Variants in ITPR1 observed in about 807,000 individuals in gnomAD.
ITPR1 encodes inositol 1,4,5-trisphosphate receptor type 1.
Under a neutral mutation model 318.4 loss-of-function variants are expected in ITPR1, and 96 were observed. The observed-to-expected ratio is 0.30, with a 90% CI of 0.26 to 0.36. The LOEUF (loss-of-function observed/expected upper bound fraction) is 0.36, where lower values mean the gene tolerates loss of function less well. ITPR1 is among the 10% of genes least tolerant of loss of function. The pLI is 1.00. For missense variants in ITPR1, 2,440 were observed against 3,460.2 expected, an observed-to-expected ratio of 0.71 and a Z score of 7.40; for synonymous variants, 1,312 against 1,289.9, an observed-to-expected ratio of 1.02 and a Z score of -0.37.
intron 37 of ITPR1, 76 bp downstream of exon 37, chr3:4,706,427 G>A: frequency 2.3e-6 from 3 of 1,331,092 alleles, no homozygotes; most frequent in Non-Finnish European, 3.1e-6. Context: ...GCATCCTTGA[G>A]CCACAGAGCA....
intron 44 of ITPR1, among the ~76,000 whole-genome samples, chr3:4,755,427 TGGG>T (rs2044894440): frequency 6.7e-6 from 1 of 149,932 alleles, no homozygotes; most frequent in Non-Finnish European, 1.5e-5. Context: ...TTTTTAGACA[TGGG>T]GTCTTGCTAT....
chr3:4,766,972 T>C (rs1355779163), intron 45 of ITPR1, among the ~76,000 whole-genome samples: 1 of 152,244 alleles, frequency 6.6e-6, no homozygotes, highest in African/African-American at 2.4e-5. Flanking sequence ...ATGAATAATC[T>C]TTTCCTGTGA....
chr3:4,697,229 A>G lies in ITPR1; in HGVS notation c.4364A>G (p.His1455Arg). The G allele has an allele frequency of 3.2e-6, 5 of 1,581,740 alleles. No homozygotes were observed. The highest frequency in any genetic ancestry group is 4.3e-6 in the Non-Finnish European group (5 of 1,162,578). ...ATGAAGGAGATTTATACCAGCAATCACATGTGGAAATTGTTTGAGAATTTC... is the reference window on the plus strand; with the variant it reads ...ATGAAGGAGATTTATACCAGCAATCGCATGTGGAAATTGTTTGAGAATTTC... ...VEMKEIYTSNHMWKLFENFLV... is the reference protein window; with the variant it reads ...VEMKEIYTSNRMWKLFENFLV... The change falls in exon 34 of 62, where the codon CAC (histidine) becomes CGC (arginine). Residue 1455 changes from histidine (H) to arginine (R), a missense_variant. His to Arg is a conservative substitution (Grantham distance 29). Transcript: ENST00000649015.
At chr3:4,524,301 G>GTT (rs56380229) in intron 4 of ITPR1, among the ~76,000 whole-genome samples, 4,331 of 73,466 alleles carry the variant, frequency 0.059, 477 homozygotes, top group Middle Eastern at 0.16. Context: ...ATACTTTGAC[G>GTT]TTTTTTTTTT....
At chr3:4,537,585 A>G (rs2083992386) in intron 4 of ITPR1, among the ~76,000 whole-genome samples, 1 of 152,204 alleles carries the variant, frequency 6.6e-6, no homozygotes, top group African/African-American at 2.4e-5. Flanking sequence ...CTGGATTTCC[A>G]GGTGTGCCTG....
At chr3:4,811,581 CAG>C in intron 56 of ITPR1, 121 bp downstream of exon 56, 1 of 722,540 alleles carries the variant, frequency 1.4e-6, no homozygotes, top group East Asian at 2.7e-5. Flanking sequence ...CCCTAACACG[CAG>C]AGTGTGAATT....
intron 17 of ITPR1, among the ~76,000 whole-genome samples, chr3:4,666,538 C>G (rs1230179997): frequency 6.6e-6 from 1 of 152,178 alleles, no homozygotes; most frequent in South Asian, 2.1e-4. Context: ...TTTTCGGATC[C>G]TTTACCAGTT....
chr3:4,748,046 A>T lies in ITPR1; in HGVS notation c.5544+12692A>T, dbSNP rs139380199. On this transcript the variant is annotated intron_variant, in intron 44 of 61. Transcript: ENST00000649015. ...GGAGGAAGGTCTTCTCATTTTATAA[A>T]GTGCCCAGCACTGTGCGTGGAGCCA... 2.2e-3 allele frequency among the ~76,000 whole-genome samples: 336 copies of T among 152,336 alleles called. 3 individuals carry two copies. Among genetic ancestry groups the T allele is most frequent in the African/African-American group, 7.4e-3 (308 of 41,578 alleles).
chr3:4,567,560 G>T (rs1228178135), intron 4 of ITPR1, among the ~76,000 whole-genome samples: 1 of 152,012 alleles, frequency 6.6e-6, no homozygotes, highest in South Asian at 2.1e-4. Flanking sequence ...GGGGGCTGAG[G>T]TGGGTCATGG....
intron 4 of ITPR1, among the ~76,000 whole-genome samples, chr3:4,534,041 G>A (rs1249302453): frequency 6.6e-6 from 1 of 152,226 alleles, no homozygotes; most frequent in East Asian, 1.9e-4. Context: ...CTGCCAGCCA[G>A]CCTGCCAAGT....
intron 28 of ITPR1, 74 bp downstream of exon 28, chr3:4,683,872 T>C (rs748041095): frequency 3.8e-6 from 5 of 1,332,618 alleles, no homozygotes; most frequent in Non-Finnish European, 5.2e-6. Context: ...CCTCTTCTGG[T>C]TTTAGGTATA....
intron 40 of ITPR1, among the ~76,000 whole-genome samples, chr3:4,718,405 A>G (rs1353089018): frequency 6.6e-6 from 1 of 152,268 alleles, no homozygotes; most frequent in Non-Finnish European, 1.5e-5. Flanking sequence ...CTACTCTAGT[A>G]TCTACTCTAA....
At chr3:4,525,629 C>G (rs536366399) in intron 4 of ITPR1, among the ~76,000 whole-genome samples, 16 of 152,294 alleles carry the variant, frequency 1.1e-4, no homozygotes, top group African/African-American at 3.8e-4. Flanking sequence ...AATAATACAG[C>G]AACTTTAGTT....
chr3:4,630,589 AT>A (rs1266519201), intron 5 of ITPR1, among the ~76,000 whole-genome samples: 1 of 144,244 alleles, frequency 6.9e-6, no homozygotes, highest in East Asian at 2.1e-4. Context: ...TATTATTATT[AT>A]TATTATTATT....
At chr3:4,521,159 T>G (rs1432626884) in intron 4 of ITPR1, 65 bp downstream of exon 4, 1 of 1,091,662 alleles carries the variant, frequency 9.2e-7, no homozygotes, top group Non-Finnish European at 1.4e-6. Flanking sequence ...AGTGTGTTGT[T>G]GGTGTGTGTG....
chr3:4,609,671 G>C (rs1222880155), intron 4 of ITPR1, among the ~76,000 whole-genome samples: 1 of 151,828 alleles, frequency 6.6e-6, no homozygotes, highest in East Asian at 1.9e-4. Context: ...TGGAGGGATG[G>C]AATGGGACAG....
chr3:4,540,204 A>G (rs1181299493), intron 4 of ITPR1, among the ~76,000 whole-genome samples: 2 of 152,058 alleles, frequency 1.3e-5, no homozygotes, highest in East Asian at 3.9e-4. Flanking sequence ...AATTATTATT[A>G]CTTTCTGGTG....
At chr3:4,554,705 G>A (rs1169186279) in intron 4 of ITPR1, among the ~76,000 whole-genome samples, 1 of 151,864 alleles carries the variant, frequency 6.6e-6, no homozygotes, top group Non-Finnish European at 1.5e-5. Flanking sequence ...CATGATGGGG[G>A]CCAGTGACTC....
At chr3:4,645,348 G>T in intron 8 of ITPR1, 39 bp from the exon 9 acceptor site, 2 of 1,383,618 alleles carry the variant, frequency 1.4e-6, no homozygotes, top group South Asian at 1.2e-5. Flanking sequence ...CAGTTGTTGT[G>T]AGGGGTACGT....
Sources: allele counts gnomAD v4.1 joint callset (sites outside exome capture counted in the v4.1 genomes callset), GRCh38; gene constraint gnomAD v4.1.1; transcripts MANE v1.5; gene names NCBI Gene and HGNC (gene_info 2026-07-23, HGNC 2026-07-21).